FXR1: variants seen among roughly 807,000 people sequenced by gnomAD.
FXR1 encodes the protein FMR1 autosomal homolog 1.
In FXR1, 15 loss-of-function variants were observed where a neutral mutation model predicts 84.0. That is an observed-to-expected ratio of 0.18 (90% CI 0.12 to 0.27). The LOEUF (loss-of-function observed/expected upper bound fraction) is 0.27, where lower values mean the gene tolerates loss of function less well. Ranked by LOEUF, FXR1 falls within the 10% of genes least tolerant of loss-of-function variation. The pLI is 1.00. For synonymous variants in FXR1, 245 were observed against 250.7 expected (o/e 0.98, Z 0.21); for missense variants, 480 against 774.4 (o/e 0.62, Z 4.51).
At chr3:180,950,397 A>C (rs1029152021) in intron 7 of FXR1, among the ~76,000 whole-genome samples, 1 of 152,202 alleles carries the variant, frequency 6.6e-6, no homozygotes, top group Admixed American at 6.5e-5. Flanking sequence ...ATGACATTAG[A>C]TGAGTTTCCT....
chr3:180,941,140 T>C (rs1054223171), intron 3 of FXR1, among the ~76,000 whole-genome samples: 1 of 151,994 alleles, frequency 6.6e-6, no homozygotes, highest in Non-Finnish European at 1.5e-5. Flanking sequence ...ATAAAAATTA[T>C]CTGAGGTAAG....
intron 3 of FXR1, among the ~76,000 whole-genome samples, chr3:180,941,184 T>A (rs1408609783): frequency 3.9e-5 from 6 of 152,022 alleles, no homozygotes; most frequent in Admixed American, 3.9e-4. Flanking sequence ...TTAGATTTTT[T>A]TTTTTTTCCA....
At chr3:180,919,328 A>G (rs1718282358) in intron 1 of FXR1, among the ~76,000 whole-genome samples, 1 of 139,230 alleles carries the variant, frequency 7.2e-6, no homozygotes, top group Admixed American at 7.7e-5. Flanking sequence ...TCTGTTGCCC[A>G]GGCTGGAGTG....
intron 3 of FXR1, among the ~76,000 whole-genome samples, chr3:180,936,057 A>G (rs748993278): frequency 4.6e-5 from 7 of 151,808 alleles, no homozygotes; most frequent in South Asian, 2.1e-4. Context: ...ACGCCTGGCT[A>G]ATTTTTGTAT....
chr3:180,934,219 G>A (rs150350001), intron 2 of FXR1, among the ~76,000 whole-genome samples: 1 of 152,218 alleles, frequency 6.6e-6, no homozygotes, highest in Non-Finnish European at 1.5e-5. Flanking sequence ...GCTGCTTCAT[G>A]TAGAAACAAG....
intron 3 of FXR1, among the ~76,000 whole-genome samples, chr3:180,944,928 T>G (rs972540380): frequency 8.5e-5 from 13 of 152,264 alleles, no homozygotes; most frequent in Admixed American, 6.5e-5. Flanking sequence ...CATGGCCTTA[T>G]TAGACATTTT....
chr3:180,916,178 T>C (rs1199148453), intron 1 of FXR1, among the ~76,000 whole-genome samples: 1 of 152,196 alleles, frequency 6.6e-6, no homozygotes, highest in Non-Finnish European at 1.5e-5. Context: ...GAATGTATAT[T>C]CTATAAAACA....
intron 10 of FXR1, among the ~76,000 whole-genome samples, chr3:180,958,353 T>C (rs962932221): frequency 6.6e-6 from 1 of 152,118 alleles, no homozygotes; most frequent in African/African-American, 2.4e-5. Context: ...CTGTACACTG[T>C]ATCCAATATG....
intron 1 of FXR1, among the ~76,000 whole-genome samples, chr3:180,917,206 T>C (rs1718002379): frequency 6.6e-6 from 1 of 152,232 alleles, no homozygotes. Flanking sequence ...CAAAGTACTA[T>C]ATTTCTATAA....
rs1577017414 is a variant in FXR1, at chr3:180,977,999, A to G, written c.*1707A>G. On this transcript the variant is annotated 3_prime_UTR_variant, in exon 17 of 17. Coordinates refer to ENST00000357559, the MANE Select transcript of FXR1 (RefSeq NM_005087.4). ...GTGAGTAGTGCAACTCCTGTCCTTT[A>G]TATATAAAGATATCAAGTAATTTCA... 1 of 151,982 alleles carries G rather than the reference A, an allele frequency of 6.6e-6. No individual in the cohort carries two copies. The highest frequency in any genetic ancestry group is 1.5e-5 in the Non-Finnish European group (1 of 67,970). The allele number at this position is 151,982 out of a possible 1,614,324, so 9.4% of individuals were successfully genotyped here. A position where few individuals can be genotyped will look rare whatever the true frequency, so the allele number is the denominator to read the frequency against.
At chr3:180,955,962 A>T (rs557328156) in intron 9 of FXR1, among the ~76,000 whole-genome samples, 1 of 152,216 alleles carries the variant, frequency 6.6e-6, no homozygotes, top group Non-Finnish European at 1.5e-5. Context: ...CACTGGTGAA[A>T]TACTCAGGAG....
intron 8 of FXR1, among the ~76,000 whole-genome samples, chr3:180,952,940 C>G (rs1411939134): frequency 2.0e-5 from 3 of 151,562 alleles, no homozygotes; most frequent in African/African-American, 7.3e-5. Context: ...TCAAGCCATC[C>G]TCTGGCCTCA....
chr3:180,972,113 T>C (rs988152340), intron 15 of FXR1, among the ~76,000 whole-genome samples: 1 of 152,204 alleles, frequency 6.6e-6, no homozygotes, highest in Non-Finnish European at 1.5e-5. Context: ...AAATAGAAAG[T>C]GTCCAGAAAA....
rs1240793239 is a variant in FXR1, at chr3:180,976,834, ACT to A, written c.*546_*547del. 2.6e-5 allele frequency: 4 copies of A among 152,400 alleles called. No homozygotes were observed. Among genetic ancestry groups the A allele is most frequent in the African/African-American group, 9.7e-5 (4 of 41,352 alleles). 9.4% of individuals were successfully genotyped at this position (152,400 alleles called of 1,614,324 possible). On this transcript the variant is annotated 3_prime_UTR_variant, in exon 17 of 17. Coordinates refer to ENST00000357559, the MANE Select transcript of FXR1 (RefSeq NM_005087.4). ...CAGACCACTGGAATACATTTGTTAAACTCTCATCTGCAGGGACACTGGGCGAT... is the reference window on the plus strand; with the variant it reads ...CAGACCACTGGAATACATTTGTTAAACTCATCTGCAGGGACACTGGGCGAT...
At chr3:180,953,689 C>T (rs777776199) in intron 8 of FXR1, 73 bp from the exon 9 acceptor site, 1 of 730,894 alleles carries the variant, frequency 1.4e-6, no homozygotes, top group Non-Finnish European at 2.4e-6. Flanking sequence ...CTTTTCTCAT[C>T]TTCTTGTTTT....
intron 10 of FXR1, among the ~76,000 whole-genome samples, chr3:180,959,191 C>T (rs1220417835): frequency 6.6e-6 from 1 of 152,180 alleles, no homozygotes; most frequent in African/African-American, 2.4e-5. Context: ...ATTGAAATCC[C>T]ATTACGTTGC....
chr3:180,961,604 C>A, intron 11 of FXR1, 50 bp downstream of exon 11: 3 of 840,870 alleles, frequency 3.6e-6, no homozygotes, highest in Non-Finnish European at 6.1e-6. Context: ...GCATTTACTA[C>A]ATAAATGTTG....
chr3:180,971,344 G>A (rs527892844), intron 15 of FXR1: 29 of 171,286 alleles, frequency 1.7e-4, no homozygotes, highest in Admixed American at 2.4e-4. Context: ...CCTTCACAGT[G>A]TGTTAGTAAC....
intron 1 of FXR1, chr3:180,932,911 A>T (rs1720103142): frequency 6.4e-6 from 1 of 156,034 alleles, no homozygotes; most frequent in Non-Finnish European, 1.4e-5. Context: ...TGATACTGTA[A>T]TTAATTTCAT....
Sources: allele counts gnomAD v4.1 joint callset (sites outside exome capture counted in the v4.1 genomes callset), GRCh38; gene constraint gnomAD v4.1.1; transcripts MANE v1.5; gene names NCBI Gene and HGNC (gene_info 2026-07-23, HGNC 2026-07-21).